The following ATXN10 variants were observed in gnomAD, a reference collection of about 807,000 sequenced individuals.
ATXN10 encodes ataxin 10.
In ATXN10, 28 loss-of-function variants were observed where a neutral mutation model predicts 52.9. The observed-to-expected ratio is 0.53, with a 90% CI of 0.39 to 0.73. The LOEUF (loss-of-function observed/expected upper bound fraction) is 0.73. ATXN10 is among the 30% of genes least tolerant of loss of function. The pLI is 0.00. For synonymous variants in ATXN10, 226 were observed against 221.5 expected, an observed-to-expected ratio of 1.02 and a Z score of -0.18; for missense variants, 565 against 577.0, an observed-to-expected ratio of 0.98 and a Z score of 0.21.
chr22:45,821,591 T>C (rs1928651534), intron 10 of ATXN10, among the ~76,000 whole-genome samples: 1 of 152,168 alleles, frequency 6.6e-6, no homozygotes, highest in African/African-American at 2.4e-5. Flanking sequence ...CAGTTATATG[T>C]GTTGAAATAG....
At position 45,840,541 on chromosome 22, in the gene ATXN10, C is replaced by T. The variant is rs894281259; in HGVS notation, c.1238-2450C>T. ...GTGTGTGCAGAGACAGAGGGGAGGC[C>T]AGCGTTGCAACATTGTCAGAGGCTG... On this transcript the variant is annotated intron_variant, in intron 10 of 11. Coordinates refer to ENST00000252934, the MANE Select transcript of ATXN10 (RefSeq NM_013236.4). The surrounding 1 kb of genome is among the most constrained non-coding windows in gnomAD (Gnocchi z 5.8). Among the ~76,000 whole-genome samples, 1 of 152,160 alleles carries T rather than the reference C, an allele frequency of 6.6e-6. No homozygotes were observed. The highest frequency in any genetic ancestry group is 1.9e-4 in the East Asian group (1 of 5,196).
Position 45,688,660 on chromosome 22 carries a change from A to G in ATXN10, c.117-1052A>G, listed in dbSNP as rs1325714464. ...AGCAGCTCTGTAACCTGGGCAGCTC[A>G]GTGTCCAGAGTTCTGAATGAACATG... On this transcript the variant is annotated intron_variant, in intron 1 of 11. Transcript: ENST00000252934. The surrounding 1 kb of genome is among the most constrained non-coding windows in gnomAD (Gnocchi z 4.0). 6.6e-6 allele frequency among the ~76,000 whole-genome samples: 1 copy of G among 152,222 alleles called. No homozygotes were observed. Among genetic ancestry groups the G allele is most frequent in the African/African-American group, 2.4e-5 (1 of 41,452 alleles).
At chr22:45,703,361 G>A (rs1355082730) in intron 5 of ATXN10, among the ~76,000 whole-genome samples, 1 of 152,120 alleles carries the variant, frequency 6.6e-6, no homozygotes, top group Non-Finnish European at 1.5e-5. Flanking sequence ...TTATGGTATT[G>A]GCATAGATTT....
At position 45,696,846 on chromosome 22, in the gene ATXN10, C is replaced by T. The variant is rs1437056547; in HGVS notation, c.392-3436C>T. Among the ~76,000 whole-genome samples the T allele has an allele frequency of 6.6e-6, 1 of 152,170 alleles. No homozygotes were observed. The highest frequency in any genetic ancestry group is 6.5e-5 in the Admixed American group (1 of 15,282). On this transcript the variant is annotated intron_variant, in intron 3 of 11. Coordinates refer to ENST00000252934, the MANE Select transcript of ATXN10 (RefSeq NM_013236.4). This position sits in a 1 kb window ranked among gnomAD's most constrained non-coding sequence, Gnocchi z 4.7. ...AGAAAAAATTTAACGGAGCAGATATCTGAAACTACTTTTATGAACCAGTTT... is the reference window on the plus strand; with the variant it reads ...AGAAAAAATTTAACGGAGCAGATATTTGAAACTACTTTTATGAACCAGTTT...
In ATXN10 at chr22:45,740,541, A is replaced by G; in HGVS notation, c.1173+3A>G. 1 of 1,613,352 alleles carries G rather than the reference A, an allele frequency of 6.2e-7. No individual in the cohort carries two copies. The highest frequency in any genetic ancestry group is 8.5e-7 in the Non-Finnish European group (1 of 1,179,400). Reference sequence around the variant, plus strand: ...AGAATAAAGATAACCAAGACAAGGTAAGAGGATTTCTTAGTATGTATTATA... The same window carrying G: ...AGAATAAAGATAACCAAGACAAGGTGAGAGGATTTCTTAGTATGTATTATA... On this transcript the variant is annotated splice_donor_region_variant and intron_variant, in intron 9 of 11. Transcript: ENST00000252934.
At position 45,766,022 on chromosome 22, in the gene ATXN10, G is replaced by A. The variant is rs1333398928; in HGVS notation, c.1173+25484G>A. Among the ~76,000 whole-genome samples the A allele has an allele frequency of 6.6e-6, 1 of 152,196 alleles. No individual in the cohort carries two copies. The highest frequency in any genetic ancestry group is 1.5e-5 in the Non-Finnish European group (1 of 68,040). On this transcript the variant is annotated intron_variant, in intron 9 of 11. Coordinates refer to ENST00000252934, the MANE Select transcript of ATXN10 (RefSeq NM_013236.4). This position sits in a 1 kb window ranked among gnomAD's most constrained non-coding sequence, Gnocchi z 4.6. ...AACAACCTGGCATTGGCACGTGAAG[G>A]GGCTGACAGGCTAATGGGGCACAGT... is the stretch of plus-strand genomic sequence containing the variant.
intron 5 of ATXN10, among the ~76,000 whole-genome samples, chr22:45,716,551 G>A (rs1924455137): frequency 6.6e-6 from 1 of 151,888 alleles, no homozygotes; most frequent in African/African-American, 2.4e-5. Flanking sequence ...TGCTGTGTTG[G>A]CCAGGCTGGT....
chr22:45,718,314 A>G lies in ATXN10; in HGVS notation c.648-99A>G. 1.1e-6 allele frequency: 1 copy of G among 908,832 alleles called. No homozygotes were observed. The highest frequency in any genetic ancestry group is 1.3e-5 in the South Asian group (1 of 75,334). The allele number at this position is 908,832 out of a possible 1,614,324, so 56.3% of individuals were successfully genotyped here. A position where few individuals can be genotyped will look rare whatever the true frequency, so the allele number is the denominator to read the frequency against. On this transcript the variant is annotated intron_variant, in intron 5 of 11. Coordinates refer to ENST00000252934, the MANE Select transcript of ATXN10 (RefSeq NM_013236.4). The surrounding 1 kb of genome is among the most constrained non-coding windows in gnomAD (Gnocchi z 4.4). ...AGCAAATCAAAAATTCACTGAAAAG[A>G]AATGCTTTTGTGTGTAAGTGGTGCC...
At chr22:45,749,383 C>T (rs962479134) in intron 9 of ATXN10, among the ~76,000 whole-genome samples, 2 of 152,150 alleles carry the variant, frequency 1.3e-5, no homozygotes, top group African/African-American at 4.8e-5. Context: ...CTGCTTCCAC[C>T]GTCACCACAA....
rs547122030 is a variant in ATXN10, at chr22:45,835,432, G to A, written c.1238-7559G>A. Among the ~76,000 whole-genome samples the A allele has an allele frequency of 2.9e-4, 44 of 152,352 alleles. No homozygotes were observed. In the South Asian group the frequency reaches 7.9e-3, roughly 27 times the overall value. ...ACAGAGAGAGGTTTCAGGCTTCAGA[G>A]AGGAGGCCTGTGAAGTCAGGAACAT... On this transcript the variant is annotated intron_variant, in intron 10 of 11. Coordinates refer to ENST00000252934, the MANE Select transcript of ATXN10 (RefSeq NM_013236.4). This position sits in a 1 kb window ranked among gnomAD's most constrained non-coding sequence, Gnocchi z 5.0.
chr22:45,724,085 A>G (rs1924771729), intron 6 of ATXN10, among the ~76,000 whole-genome samples: 1 of 151,664 alleles, frequency 6.6e-6, no homozygotes, highest in Admixed American at 6.6e-5. Flanking sequence ...TTCATTCCTC[A>G]GTTGATGGGT....
chr22:45,797,415 A>T (rs866591900), intron 9 of ATXN10, among the ~76,000 whole-genome samples: 1 of 152,262 alleles, frequency 6.6e-6, no homozygotes, highest in African/African-American at 2.4e-5. Flanking sequence ...TATCTCTAAT[A>T]TCCCAAGATA....
At position 45,672,088 on chromosome 22, in the gene ATXN10, G is replaced by T; in HGVS notation, c.25G>T (p.Ala9Ser). MAAPRPPP[A>S]RLSGVMVPAP... ...GATGGCGGCGCCCAGGCCGCCGCCT[G>T]CCAGGCTGTCGGGCGTCATGGTGCC... The change falls in exon 1 of 12, where the codon GCC (alanine) becomes TCC (serine). Residue 9 changes from alanine to serine, a missense_variant. Physicochemically the swap from Ala to Ser is moderately conservative, Grantham distance 99. Transcript: ENST00000252934. The T allele has an allele frequency of 2.6e-6, 4 of 1,538,452 alleles. No homozygotes were observed. The highest frequency in any genetic ancestry group is 2.6e-6 in the Non-Finnish European group (3 of 1,145,320).
rs1200107133 is a variant in ATXN10 at position 45,828,075 on chromosome 22, G to A, written c.1238-14916G>A. Reference sequence around the variant, plus strand: ...TAGAAAATACTTAGAGGTCAGCTGGGTGCAGTGGCTCATACCTGTAATCCC... The same window carrying A: ...TAGAAAATACTTAGAGGTCAGCTGGATGCAGTGGCTCATACCTGTAATCCC... On this transcript the variant is annotated intron_variant, in intron 10 of 11. Coordinates refer to ENST00000252934, the MANE Select transcript of ATXN10 (RefSeq NM_013236.4). The surrounding 1 kb of genome is among the most constrained non-coding windows in gnomAD (Gnocchi z 4.5). Among the ~76,000 whole-genome samples, 1 of 152,132 alleles carries A rather than the reference G, an allele frequency of 6.6e-6. No individual in the cohort carries two copies. The highest frequency in any genetic ancestry group is 1.5e-5 in the Non-Finnish European group (1 of 68,014).
chr22:45,746,145 T>G (rs1925716571), intron 9 of ATXN10, among the ~76,000 whole-genome samples: 1 of 152,036 alleles, frequency 6.6e-6, no homozygotes, highest in Non-Finnish European at 1.5e-5. Flanking sequence ...GCTTCGTAGA[T>G]CTGAATGCGG....
In ATXN10 at chr22:45,842,935, A is replaced by T; in HGVS notation, c.1238-56A>T. 3 of 1,550,682 alleles carry T rather than the reference A, an allele frequency of 1.9e-6. No individual in the cohort carries two copies. In the South Asian group the frequency reaches 3.4e-5, roughly 17 times the overall value. ...CTCTACTCCTTTTCTGATAATTCTT[A>T]TGTGAAGTTATCAAACAGGAAAGTA... On this transcript the variant is annotated intron_variant, in intron 10 of 11. Coordinates refer to ENST00000252934, the MANE Select transcript of ATXN10 (RefSeq NM_013236.4). The surrounding 1 kb of genome is among the most constrained non-coding windows in gnomAD (Gnocchi z 4.8).
chr22:45,720,492 A>G (rs1469233537), intron 6 of ATXN10, among the ~76,000 whole-genome samples: 1 of 152,088 alleles, frequency 6.6e-6, no homozygotes, highest in East Asian at 1.9e-4. Flanking sequence ...GTGGGTCACC[A>G]TGCCAGACTA....
In ATXN10 at chr22:45,690,712, G is replaced by A. The variant is rs1923338169; in HGVS notation, c.308+809G>A. ...TCTGCTTCCACCTATTTTATGATGC[G>A]CACATTTTTAAAAGTAGTTAAAACA... On this transcript the variant is annotated intron_variant, in intron 2 of 11. Transcript: ENST00000252934. This position sits in a 1 kb window ranked among gnomAD's most constrained non-coding sequence, Gnocchi z 4.5. Among the ~76,000 whole-genome samples, 1 of 152,152 alleles carries A rather than the reference G, an allele frequency of 6.6e-6. No homozygotes were observed. Among genetic ancestry groups the A allele is most frequent in the Non-Finnish European group, 1.5e-5 (1 of 68,026 alleles).
intron 5 of ATXN10, among the ~76,000 whole-genome samples, chr22:45,710,046 TC>T (rs2146763529): frequency 6.6e-6 from 1 of 152,230 alleles, no homozygotes; most frequent in East Asian, 1.9e-4. Flanking sequence ...TTTCTGTCTC[TC>T]CTTTTGCCCT....
Sources: allele counts gnomAD v4.1 joint callset (sites outside exome capture counted in the v4.1 genomes callset), GRCh38; gene constraint gnomAD v4.1.1; non-coding constraint Gnocchi (gnomAD v3.1); transcripts MANE v1.5; gene names NCBI Gene and HGNC (gene_info 2026-07-23, HGNC 2026-07-21).